The following RNF212 variants were observed in gnomAD, a reference collection of about 807,000 sequenced individuals.
The protein encoded by RNF212 is probable E3 SUMO-protein ligase RNF212.
A neutral mutation model predicts 34.7 loss-of-function variants in RNF212; 33 were observed. The ratio of observed to expected loss-of-function variants is 0.95; its 90% CI spans 0.72 to 1.27. The LOEUF is 1.27. RNF212 is among the 50% of genes most tolerant of loss of function. The pLI is 0.00. For synonymous variants in RNF212, 140 were observed against 136.1 expected (o/e 1.03, Z -0.20); for missense variants, 377 against 362.2 (o/e 1.04, Z -0.33).
At chr4:1,103,374 T>A (rs1168174398) in intron 2 of RNF212, among the ~76,000 whole-genome samples, 2 of 152,050 alleles carry the variant, frequency 1.3e-5, no homozygotes, top group Non-Finnish European at 2.9e-5. Flanking sequence ...AAAATAAAAA[T>A]AATTTACAAC....
intron 4 of RNF212, among the ~76,000 whole-genome samples, chr4:1,088,176 T>C (rs1164062590): frequency 1.3e-5 from 2 of 152,218 alleles, no homozygotes. Context: ...TGAATGGTTT[T>C]GACCAAAATG....
upstream of RNF212, chr4:1,113,709 C>T: frequency 2.4e-6 from 1 of 408,382 alleles, no homozygotes; most frequent in South Asian, 4.0e-5. Context: ...CGGAGGAACG[C>T]ACCGCGAGCA....
At chr4:1,090,926 C>A in intron 3 of RNF212, 88 bp from the exon 4 acceptor site, 1 of 819,964 alleles carries the variant, frequency 1.2e-6, no homozygotes, top group African/African-American at 1.7e-5. Flanking sequence ...GCTGGAGGGA[C>A]TCTCAGGAGA....
intron 3 of RNF212, 65 bp downstream of exon 3, chr4:1,096,700 C>G: frequency 9.4e-7 from 1 of 1,059,366 alleles, no homozygotes; most frequent in Non-Finnish European, 1.4e-6. Flanking sequence ...CCCCTCATAG[C>G]TCCATGGTCT....
At chr4:1,111,010 T>G (rs1291844543) in intron 1 of RNF212, among the ~76,000 whole-genome samples, 2 of 152,172 alleles carry the variant, frequency 1.3e-5, no homozygotes, top group African/African-American at 2.4e-5. Context: ...TATGACGCTC[T>G]GAGCCCTGTC....
intron 3 of RNF212, chr4:1,094,164 C>T: frequency 1.9e-6 from 2 of 1,052,812 alleles, no homozygotes; most frequent in African/African-American, 1.6e-5. Context: ...CAGATCCTGG[C>T]TGCCCCCACT....
chr4:1,099,384 G>A (rs938245507), intron 2 of RNF212, among the ~76,000 whole-genome samples: 4 of 152,188 alleles, frequency 2.6e-5, no homozygotes, highest in Non-Finnish European at 5.9e-5. Flanking sequence ...GATTCGGGAG[G>A]CAGCGAGGAG....
downstream of RNF212, among the ~76,000 whole-genome samples, chr4:1,068,924 ATGGC>A (rs1718262151): frequency 6.6e-6 from 1 of 152,226 alleles, no homozygotes; most frequent in African/African-American, 2.4e-5. Context: ...ATCTATGAAT[ATGGC>A]TGGACGCAAT....
intron 3 of RNF212, among the ~76,000 whole-genome samples, chr4:1,091,931 G>A (rs1722250248): frequency 6.6e-6 from 1 of 152,222 alleles, no homozygotes; most frequent in Non-Finnish European, 1.5e-5. Context: ...GTGGACAGAA[G>A]GACTCCGCAG....
intron 2 of RNF212, chr4:1,099,888 G>A (rs990804215): frequency 8.8e-6 from 4 of 456,178 alleles, no homozygotes; most frequent in South Asian, 1.5e-5. Flanking sequence ...CTGTAAAGGC[G>A]TGCTGTTGGT....
chr4:1,059,602 G>A (rs1031612064), intron 3 of RNF212, among the ~76,000 whole-genome samples: 1 of 152,206 alleles, frequency 6.6e-6, no homozygotes, highest in Non-Finnish European at 1.5e-5. Flanking sequence ...AAGGTGCTAG[G>A]TCTCCCCTCA....
intron 2 of RNF212, chr4:1,099,766 T>G (rs77018707): frequency 2.2e-6 from 1 of 455,966 alleles, no homozygotes; most frequent in Non-Finnish European, 4.4e-6. Flanking sequence ...GCAGAGGGCG[T>G]AAGGAATGGA....
rs201319741 is a variant in RNF212 at position 1,072,617 on chromosome 4, GA to G, written c.*256del. Reference sequence around the variant, plus strand: ...TTAGAAAAAAATGATTTAAGTATGTGAAAAAAAAACTCCCTAAGCATGAGAA... The same window carrying G: ...TTAGAAAAAAATGATTTAAGTATGTGAAAAAAAACTCCCTAAGCATGAGAA... On this transcript the variant is annotated 3_prime_UTR_variant, in exon 10 of 10. Transcript: ENST00000433731. 315 of 991,904 alleles carry G rather than the reference GA, an allele frequency of 3.2e-4. No individual in the cohort carries two copies. The highest frequency in any genetic ancestry group is 3.3e-4 in the Non-Finnish European group (267 of 798,724). The allele number at this position is 991,904 out of a possible 1,614,324, so 61.4% of individuals were successfully genotyped here.
chr4:1,057,038 C>G, intron 4 of RNF212: 2 of 964,704 alleles, frequency 2.1e-6, no homozygotes, highest in South Asian at 9.6e-5. Context: ...ATCATGAATG[C>G]TCGGAGCATC....
intron 7 of RNF212, 110 bp from the exon 8 acceptor site, chr4:1,079,798 T>C (rs1720033468): frequency 2.5e-6 from 2 of 803,456 alleles, no homozygotes; most frequent in East Asian, 2.5e-5. Context: ...AATCTTCCTC[T>C]AGCTTCATGC....
intron 2 of RNF212, among the ~76,000 whole-genome samples, chr4:1,106,524 A>T (rs989054626): frequency 1.3e-5 from 2 of 152,270 alleles, no homozygotes; most frequent in African/African-American, 4.8e-5. Context: ...AGTTAAAAAA[A>T]TAAAGACATA....
chr4:1,057,787 G>A (rs1299285143), intron 4 of RNF212, among the ~76,000 whole-genome samples: 2 of 152,204 alleles, frequency 1.3e-5, no homozygotes, highest in African/African-American at 2.4e-5. Context: ...ACTCCTGGCT[G>A]GGCATGGTGG....
intron 2 of RNF212, among the ~76,000 whole-genome samples, chr4:1,105,429 G>A (rs1429682829): frequency 6.6e-6 from 1 of 152,228 alleles, no homozygotes; most frequent in Non-Finnish European, 1.5e-5. Context: ...TCGTAATGGA[G>A]CATTATAATG....
At chr4:1,101,200 C>A (rs1182306602) in intron 2 of RNF212, 1 of 248,662 alleles carries the variant, frequency 4.0e-6, no homozygotes, top group South Asian at 5.9e-5. Context: ...CTGGCACTCA[C>A]AGTGCAGTAG....
Sources: allele counts gnomAD v4.1 joint callset (sites outside exome capture counted in the v4.1 genomes callset), GRCh38; gene constraint gnomAD v4.1.1; transcripts MANE v1.5; gene names NCBI Gene and HGNC (gene_info 2026-07-23, HGNC 2026-07-21).